SPTLC2: variants seen among roughly 807,000 people sequenced by gnomAD.
SPTLC2 encodes the protein serine palmitoyltransferase long chain base subunit 2, also known as serine palmitoyltransferase 2.
Under a neutral mutation model 62.0 loss-of-function variants are expected in SPTLC2, and 21 were observed. The observed-to-expected ratio is 0.34, with a 90% CI of 0.24 to 0.49. The LOEUF (loss-of-function observed/expected upper bound fraction) is 0.49, where lower values mean the gene tolerates loss of function less well. SPTLC2 is among the 20% of genes least tolerant of loss of function. The pLI is 0.99. For synonymous variants in SPTLC2, 261 were observed against 261.8 expected (o/e 1.00, Z 0.03); for missense variants, 511 against 713.0 (o/e 0.72, Z 3.23).
chr14:77,608,461 T>C (rs1196295614), intron 1 of SPTLC2, among the ~76,000 whole-genome samples: 1 of 152,178 alleles, frequency 6.6e-6, no homozygotes, highest in Non-Finnish European at 1.5e-5. Context: ...AGATTTAGCT[T>C]ATATGCTTTA....
chr14:77,591,305 T>C (rs1006378110), intron 2 of SPTLC2, among the ~76,000 whole-genome samples: 1 of 152,192 alleles, frequency 6.6e-6, no homozygotes, highest in African/African-American at 2.4e-5. Flanking sequence ...GAAAGTAGAT[T>C]AGTGGCTGCC....
intron 9 of SPTLC2, among the ~76,000 whole-genome samples, chr14:77,537,400 C>T (rs1394487488): frequency 6.6e-6 from 1 of 151,944 alleles, no homozygotes; most frequent in East Asian, 1.9e-4. Context: ...GTACTTATGC[C>T]GTTTATGTGT....
At chr14:77,579,252 A>C in intron 2 of SPTLC2, 143 bp from the exon 3 acceptor site, 2 of 815,448 alleles carry the variant, frequency 2.5e-6, no homozygotes, top group Non-Finnish European at 4.0e-6. Context: ...GTAATGGACA[A>C]GTCAGGGATT....
chr14:77,611,411 T>G (rs2079936368), intron 1 of SPTLC2, among the ~76,000 whole-genome samples: 1 of 138,030 alleles, frequency 7.2e-6, no homozygotes, highest in East Asian at 2.2e-4. Context: ...CGCAGTAAGC[T>G]ATGACTGTGC....
At chr14:77,602,122 T>C (rs2079881334) in intron 1 of SPTLC2, among the ~76,000 whole-genome samples, 2 of 152,180 alleles carry the variant, frequency 1.3e-5, no homozygotes, top group East Asian at 1.9e-4. Flanking sequence ...TGCCTATCTA[T>C]AGCCTCTCTA....
chr14:77,553,883 C>T (rs761997238), intron 8 of SPTLC2, among the ~76,000 whole-genome samples: 12 of 152,130 alleles, frequency 7.9e-5, no homozygotes, highest in Non-Finnish European at 1.6e-4. Context: ...GGTGTAATCA[C>T]GGCTCACTGC....
chr14:77,603,452 C>T (rs1322007263), intron 1 of SPTLC2, among the ~76,000 whole-genome samples: 1 of 152,196 alleles, frequency 6.6e-6, no homozygotes, highest in Non-Finnish European at 1.5e-5. Context: ...CTCCCTACTG[C>T]ATATCACACA....
At chr14:77,541,145 C>T (rs1165438500) in intron 9 of SPTLC2, among the ~76,000 whole-genome samples, 3 of 152,112 alleles carry the variant, frequency 2.0e-5, no homozygotes, top group African/African-American at 7.2e-5. Flanking sequence ...CCTCCTGTCT[C>T]AGCACCTCAA....
chr14:77,515,238 C>A (rs1414373959), intron 11 of SPTLC2, among the ~76,000 whole-genome samples: 2 of 152,128 alleles, frequency 1.3e-5, no homozygotes, highest in African/African-American at 4.8e-5. Flanking sequence ...CTTTTCAGTA[C>A]TATTTTAGCT....
intron 9 of SPTLC2, among the ~76,000 whole-genome samples, chr14:77,534,987 C>T (rs1188059300): frequency 1.3e-5 from 2 of 151,906 alleles, no homozygotes; most frequent in Admixed American, 1.3e-4. Flanking sequence ...AGTGCAATGG[C>T]GCCATCTTGG....
chr14:77,543,874 A>G, intron 9 of SPTLC2, among the ~76,000 whole-genome samples: 1 of 152,206 alleles, frequency 6.6e-6, no homozygotes, highest in Non-Finnish European at 1.5e-5. Flanking sequence ...TAGCTCTGCC[A>G]GCAAATGCCT....
At chr14:77,573,891 C>A (rs1186684753) in intron 4 of SPTLC2, among the ~76,000 whole-genome samples, 1 of 152,262 alleles carries the variant, frequency 6.6e-6, no homozygotes, top group East Asian at 1.9e-4. Flanking sequence ...CTTGGCCTCC[C>A]AAAGTGCTGA....
intron 7 of SPTLC2, among the ~76,000 whole-genome samples, 197 bp downstream of exon 7, chr14:77,556,844 A>G (rs1483979584): frequency 2.0e-5 from 3 of 152,264 alleles, no homozygotes; most frequent in Non-Finnish European, 4.4e-5. Context: ...ACCATGTAGT[A>G]TTATGGAAAG....
chr14:77,533,699 AT>A, intron 9 of SPTLC2, among the ~76,000 whole-genome samples: 1 of 152,314 alleles, frequency 6.6e-6, no homozygotes. Flanking sequence ...TATTCAGGAA[AT>A]TTCCAAAAGT....
At chr14:77,512,677 T>G (rs1028081726) in intron 11 of SPTLC2, among the ~76,000 whole-genome samples, 1 of 152,220 alleles carries the variant, frequency 6.6e-6, no homozygotes, top group African/African-American at 2.4e-5. Flanking sequence ...GAAAAAGTTA[T>G]ATGCACTCTG....
chr14:77,593,342 T>C (rs2079828879), intron 2 of SPTLC2, among the ~76,000 whole-genome samples: 1 of 152,192 alleles, frequency 6.6e-6, no homozygotes, highest in African/African-American at 2.4e-5. Context: ...GAGGTTTCAT[T>C]ATGTTGTGTC....
intron 1 of SPTLC2, among the ~76,000 whole-genome samples, chr14:77,613,362 T>C (rs2079948008): frequency 6.6e-6 from 1 of 152,236 alleles, no homozygotes; most frequent in Non-Finnish European, 1.5e-5. Flanking sequence ...TGCCACACCT[T>C]ACCTCAAATA....
At chr14:77,545,175 A>T (rs77348707) in intron 9 of SPTLC2, among the ~76,000 whole-genome samples, 1 of 152,170 alleles carries the variant, frequency 6.6e-6, no homozygotes, top group Admixed American at 6.6e-5. Context: ...AAATATTTAG[A>T]TAATTAGAAA....
At chr14:77,543,765 T>C (rs2079514064) in intron 9 of SPTLC2, among the ~76,000 whole-genome samples, 2 of 152,190 alleles carry the variant, frequency 1.3e-5, no homozygotes, top group African/African-American at 2.4e-5. Flanking sequence ...CTTCTCCACC[T>C]ATGCCACTGA....
Sources: gnomAD v4.1 joint callset for allele counts (sites outside exome capture counted in the v4.1 genomes callset) on GRCh38, gnomAD v4.1.1 for gene constraint, MANE v1.5 for transcripts, NCBI Gene and HGNC (gene_info 2026-07-23, HGNC 2026-07-21) for gene names.